Variants in OTOP1 observed in about 807,000 individuals in gnomAD.
OTOP1 encodes the protein otopetrin 1.
OTOP1 carries 59 observed loss-of-function variants against 52.9 expected under a neutral mutation model. The ratio of observed to expected loss-of-function variants is 1.12; its 90% CI spans 0.91 to 1.39. The LOEUF (loss-of-function observed/expected upper bound fraction) is 1.39, where lower values mean the gene tolerates loss of function less well. Ranked by LOEUF, OTOP1 falls within the 40% of genes most tolerant of loss-of-function variation. The pLI is 0.00. For missense variants in OTOP1, 761 were observed against 800.9 expected, an observed-to-expected ratio of 0.95 and a Z score of 0.60; for synonymous variants, 317 against 337.7, an observed-to-expected ratio of 0.94 and a Z score of 0.67.
intron 1 of OTOP1, among the ~76,000 whole-genome samples, chr4:4,223,140 G>C (rs1717337252): frequency 6.6e-6 from 1 of 152,170 alleles, no homozygotes; most frequent in Non-Finnish European, 1.5e-5. Context: ...GTCATCTACT[G>C]AACACCTATC....
Position 4,226,859 on chromosome 4 carries a change from G to A in OTOP1, c.6C>T (p.Leu2=), listed in dbSNP as rs371393645. Residue 2 remains leucine, a synonymous_variant, in exon 1 of 6, where the codon CTC becomes CTT. Coordinates refer to ENST00000296358, the MANE Select transcript of OTOP1 (RefSeq NM_177998.3). ...GCGAGGCGGGCGACCCCAGGCCCTC[G>A]AGCATCTTCGAGACACCCGCGCCAA... is the stretch of plus-strand genomic sequence containing the variant. The part of the protein sequence containing the change: M[L]EGLGSPASPR... 2,533 of 1,326,938 alleles carry A rather than the reference G, an allele frequency of 1.9e-3. 40 individuals are homozygous for A. The African/African-American group carries it at 0.035, about 18-fold the overall frequency. The allele number at this position is 1,326,938 out of a possible 1,614,324, so 82.2% of individuals were successfully genotyped here.
chr4:4,197,624 T>C lies in OTOP1; in HGVS notation c.1210A>G (p.Ile404Val), dbSNP rs888869662. 7 of 1,613,620 alleles carry C rather than the reference T, an allele frequency of 4.3e-6. No individual in the cohort carries two copies. Among genetic ancestry groups the C allele is most frequent in the Non-Finnish European group, 5.9e-6 (7 of 1,179,952 alleles). ...LVGTASGSWL[I>V]SWGSILAILC... ...ATGGCCAAGATTGAGCCCCAGGAGA[T>C]AAGCCAGGAGCCCGAGGCAGTGCCC... The change falls in exon 5 of 6, where the codon ATC becomes GTC. Residue 404 changes from isoleucine to valine, a missense_variant. By Grantham distance (29) the Ile-to-Val change is conservative. Around this residue, in one of 3 missense-constraint regions of OTOP1, gnomAD observed 632 missense variants for 619.5 expected, o/e 1.02. Coordinates refer to ENST00000296358, the MANE Select transcript of OTOP1 (RefSeq NM_177998.3).
intron 1 of OTOP1, among the ~76,000 whole-genome samples, chr4:4,224,353 A>T (rs1717377098): frequency 6.6e-6 from 1 of 151,650 alleles, no homozygotes; most frequent in Non-Finnish European, 1.5e-5. Context: ...TCTCAAAAAA[A>T]AAAAATAAAG....
At chr4:4,208,108 C>T (rs2916425) in intron 2 of OTOP1, among the ~76,000 whole-genome samples, 101,053 of 152,062 alleles carry the variant, frequency 0.66, 34,016 homozygotes, top group African/African-American at 0.73. Flanking sequence ...GTCTCAGGTG[C>T]GCAGAGGGAT....
chr4:4,204,496 G>A (rs1334455937), intron 3 of OTOP1, among the ~76,000 whole-genome samples: 1 of 152,126 alleles, frequency 6.6e-6, no homozygotes, highest in Admixed American at 6.5e-5. Context: ...AGGTAGCACT[G>A]TTGCCACGCA....
intron 1 of OTOP1, among the ~76,000 whole-genome samples, chr4:4,225,860 G>T (rs936062615): frequency 6.6e-6 from 1 of 152,160 alleles, no homozygotes; most frequent in Non-Finnish European, 1.5e-5. Context: ...GGGGCATGTG[G>T]TCAGACCTGC....
chr4:4,226,076 A>T (rs966650763), intron 1 of OTOP1, among the ~76,000 whole-genome samples: 1 of 152,212 alleles, frequency 6.6e-6, no homozygotes, highest in Admixed American at 6.5e-5. Flanking sequence ...GGATGAGAAC[A>T]AAGGAGGGGA....
intron 1 of OTOP1, among the ~76,000 whole-genome samples, chr4:4,224,595 G>C (rs1717383349): frequency 6.6e-6 from 1 of 152,126 alleles, no homozygotes; most frequent in Non-Finnish European, 1.5e-5. Context: ...GTTTTAAATA[G>C]CACCAGATTC....
chr4:4,205,514 A>G (rs1264950442), intron 3 of OTOP1, among the ~76,000 whole-genome samples: 1 of 152,220 alleles, frequency 6.6e-6, no homozygotes, highest in Non-Finnish European at 1.5e-5. Context: ...GGAGGCCAGC[A>G]GAGATAAGAA....
chr4:4,226,299 AG>A (rs1285939847), intron 1 of OTOP1, among the ~76,000 whole-genome samples, 162 bp downstream of exon 1: 240 of 79,550 alleles, frequency 3.0e-3, no homozygotes, highest in African/African-American at 0.024. Flanking sequence ...AGAGAGAGAG[AG>A]GAAAGGAAGG....
intron 2 of OTOP1, 148 bp from the exon 3 acceptor site, chr4:4,206,278 A>G: frequency 1.6e-6 from 1 of 607,774 alleles, no homozygotes; most frequent in South Asian, 1.9e-5. Flanking sequence ...TGGCAGTGCC[A>G]CTCCTCAATG....
intron 2 of OTOP1, among the ~76,000 whole-genome samples, chr4:4,210,152 A>T (rs1716992891): frequency 6.6e-6 from 1 of 152,166 alleles, no homozygotes; most frequent in Non-Finnish European, 1.5e-5. Context: ...TGTATTCCCC[A>T]TGCTGAGAAC....
In OTOP1 at chr4:4,197,993, C is replaced by A; in HGVS notation, c.841G>T (p.Ala281Ser). ...YPFNIEYQIL[A>S]STMLYVLWKN... ...CACAGGACGTAGAGCATTGTGGAGG[C>A]CAGGATCTGATACTCTATGTTGAAG... Residue 281 changes from alanine to serine, a missense_variant, in exon 5 of 6, where the codon GCC (alanine) becomes TCC (serine). Ala to Ser is a moderately conservative substitution (Grantham distance 99). Coordinates refer to ENST00000296358, the MANE Select transcript of OTOP1 (RefSeq NM_177998.3). 1 of 1,613,966 alleles carries A rather than the reference C, an allele frequency of 6.2e-7. No homozygotes were observed. The highest frequency in any genetic ancestry group is 8.5e-7 in the Non-Finnish European group (1 of 1,180,004).
At chr4:4,202,668 G>T in intron 3 of OTOP1, 90 bp from the exon 4 acceptor site, 1 of 1,502,472 alleles carries the variant, frequency 6.7e-7, no homozygotes, top group Non-Finnish European at 9.1e-7. Flanking sequence ...CAAATACATG[G>T]CTCCTTCTCA....
intron 5 of OTOP1, among the ~76,000 whole-genome samples, chr4:4,195,620 C>T (rs1011539421): frequency 3.9e-5 from 6 of 152,238 alleles, no homozygotes; most frequent in Admixed American, 6.5e-5. Context: ...TGCCTGGTGA[C>T]ACGGTTCAGC....
At chr4:4,221,009 G>A (rs1157342512) in intron 1 of OTOP1, among the ~76,000 whole-genome samples, 1 of 151,494 alleles carries the variant, frequency 6.6e-6, no homozygotes, top group East Asian at 1.9e-4. Flanking sequence ...ACCATCACCA[G>A]CTGGTACTTA....
chr4:4,199,385 G>C (rs973368778), intron 4 of OTOP1, among the ~76,000 whole-genome samples: 1 of 151,780 alleles, frequency 6.6e-6, no homozygotes, highest in Admixed American at 6.6e-5. Context: ...GTGCTTTATG[G>C]TTTGGGGTAT....
chr4:4,199,573 C>A (rs973419809), intron 4 of OTOP1, among the ~76,000 whole-genome samples: 8 of 152,102 alleles, frequency 5.3e-5, no homozygotes, highest in African/African-American at 1.9e-4. Flanking sequence ...CCACCACGCC[C>A]GGCTAATTTT....
At chr4:4,204,263 A>G (rs978571056) in intron 3 of OTOP1, among the ~76,000 whole-genome samples, 4 of 152,130 alleles carry the variant, frequency 2.6e-5, no homozygotes, top group Non-Finnish European at 5.9e-5. Context: ...GTGTTTGCCC[A>G]TCTGTTTGCC....
Sources: allele counts gnomAD v4.1 joint callset (sites outside exome capture counted in the v4.1 genomes callset), GRCh38; gene constraint gnomAD v4.1.1; regional missense constraint gnomAD v4.1.1; transcripts MANE v1.5; gene names NCBI Gene and HGNC (gene_info 2026-07-23, HGNC 2026-07-21).